KLRG2: variants seen among roughly 807,000 people sequenced by gnomAD.
KLRG2 encodes killer cell lectin like receptor G2, also known as killer cell lectin-like receptor subfamily G member 2.
Under a neutral mutation model 35.4 loss-of-function variants are expected in KLRG2, and 39 were observed. That is an observed-to-expected ratio of 1.10 (90% CI 0.85 to 1.44). The LOEUF (loss-of-function observed/expected upper bound fraction) is 1.44, where lower values mean the gene tolerates loss of function less well. Ranked by LOEUF, KLRG2 falls within the 40% of genes most tolerant of loss-of-function variation. KLRG2 has a pLI of 0.00. For missense variants in KLRG2, 632 were observed against 570.9 expected (o/e 1.11, Z -1.09); for synonymous variants, 283 against 265.8 (o/e 1.06, Z -0.63).
chr7:139,463,618 C>T (rs1796605219), intron 3 of KLRG2, among the ~76,000 whole-genome samples: 1 of 152,210 alleles, frequency 6.6e-6, no homozygotes, highest in South Asian at 2.1e-4. Flanking sequence ...CAGGATTCCT[C>T]CTAAGCCGTG....
chr7:139,445,798 T>TATATATATATATATATATATATATATAC, the KLRG2 span, among the ~76,000 whole-genome samples: 2 of 126,060 alleles, frequency 1.6e-5, no homozygotes, highest in African/African-American at 9.6e-5. Context: ...TATATGTGTG[T>TATATATATATATATATATATATATATAC]ATATATATAT....
the KLRG2 span, among the ~76,000 whole-genome samples, chr7:139,438,984 A>G: frequency 1.6e-5 from 2 of 122,480 alleles, no homozygotes; most frequent in East Asian, 5.6e-4. Flanking sequence ...GTGAGCCACC[A>G]TGCCCCGCGT....
At chr7:139,431,257 G>A in the KLRG2 span, among the ~76,000 whole-genome samples, 1 of 152,166 alleles carries the variant, frequency 6.6e-6, no homozygotes, top group African/African-American at 2.4e-5. Context: ...CCTCAGGGAG[G>A]ACCAAGGATT....
chr7:139,439,819 G>A, the KLRG2 span, among the ~76,000 whole-genome samples: 4 of 152,200 alleles, frequency 2.6e-5, no homozygotes, highest in South Asian at 8.3e-4. Context: ...AGACTGGGTG[G>A]CTTAAACAAC....
chr7:139,433,885 C>G, the KLRG2 span, among the ~76,000 whole-genome samples: 14 of 152,180 alleles, frequency 9.2e-5, no homozygotes, highest in Admixed American at 3.3e-4. Context: ...GATCCCCCGC[C>G]TCGGCCTCCC....
intron 3 of KLRG2, among the ~76,000 whole-genome samples, chr7:139,478,047 T>C (rs1395428068): frequency 1.4e-5 from 2 of 142,672 alleles, no homozygotes; most frequent in African/African-American, 5.0e-5. Context: ...CGTGAGCCAC[T>C]GTGCCCGGCC....
rs754113694 is a variant in KLRG2, at chr7:139,483,610, G to A, written c.33C>T (p.Gly11=). The change falls in exon 1 of 5, where the codon GGC becomes GGT. Residue 11 remains glycine (G), a synonymous_variant. Transcript: ENST00000340940. ...CCATTGGGAGCTCTGCCCCGGCTTG[G>A]CCTCCGGGCGCAGCCTCCCAAGACT... MEESWEAAPG[G]QAGAELPMEP... 3 of 1,578,710 alleles carry A rather than the reference G, an allele frequency of 1.9e-6. No individual in the cohort carries two copies. In the East Asian group the frequency reaches 6.9e-5, roughly 36 times the overall value.
At chr7:139,441,753 A>G in the KLRG2 span, among the ~76,000 whole-genome samples, 1 of 152,168 alleles carries the variant, frequency 6.6e-6, no homozygotes, top group African/African-American at 2.4e-5. Flanking sequence ...AGCCCAGGCA[A>G]CAGAGCAAAA....
At chr7:139,468,973 A>G (rs1424607442) in intron 3 of KLRG2, among the ~76,000 whole-genome samples, 1 of 152,160 alleles carries the variant, frequency 6.6e-6, no homozygotes, top group Non-Finnish European at 1.5e-5. Context: ...CAGGATTGCC[A>G]TGTGAGGACA....
rs562023979 is a variant in KLRG2, at chr7:139,460,804, C to T, written c.1006-6590G>A. ...TGAAACTCCACCTCTACTAAAAATACAAAAATTAGCTGCATGTGGTGGCAG... is the reference window on the plus strand; with the variant it reads ...TGAAACTCCACCTCTACTAAAAATATAAAAATTAGCTGCATGTGGTGGCAG... On this transcript the variant is annotated intron_variant, in intron 3 of 4. Transcript: ENST00000340940. Among the ~76,000 whole-genome samples, 11 of 151,864 alleles carry T rather than the reference C, an allele frequency of 7.2e-5. No individual in the cohort carries two copies. In the South Asian group the frequency reaches 8.3e-4, roughly 11 times the overall value.
At chr7:139,432,427 G>A in the KLRG2 span, among the ~76,000 whole-genome samples, 1 of 152,070 alleles carries the variant, frequency 6.6e-6, no homozygotes, top group East Asian at 1.9e-4. Flanking sequence ...TTTGGAGGGA[G>A]ACATTTACAG....
intron 1 of KLRG2, among the ~76,000 whole-genome samples, chr7:139,480,539 G>A (rs1363541113): frequency 3.6e-5 from 5 of 139,102 alleles, no homozygotes; most frequent in East Asian, 2.3e-4. Flanking sequence ...TCTGCCTCCC[G>A]GGTTCAAGCA....
chr7:139,443,313 T>C, the KLRG2 span, among the ~76,000 whole-genome samples: 1 of 151,996 alleles, frequency 6.6e-6, no homozygotes, highest in Non-Finnish European at 1.5e-5. Context: ...CTCAAACTCC[T>C]GATCTCAAGT....
At chr7:139,469,490 C>G (rs111864271) in intron 3 of KLRG2, among the ~76,000 whole-genome samples, 2 of 151,596 alleles carry the variant, frequency 1.3e-5, no homozygotes, top group Admixed American at 6.6e-5. Context: ...CAGAGTTTCG[C>G]TCCGTCACCC....
chr7:139,442,395 T>C, the KLRG2 span, among the ~76,000 whole-genome samples: 1 of 152,154 alleles, frequency 6.6e-6, no homozygotes. Context: ...TGACATCTGG[T>C]GGTCTAGACT....
At chr7:139,431,847 T>C in the KLRG2 span, among the ~76,000 whole-genome samples, 2 of 152,108 alleles carry the variant, frequency 1.3e-5, no homozygotes, top group Non-Finnish European at 2.9e-5. Flanking sequence ...CATGAGAATT[T>C]ACCTTGGTGA....
the KLRG2 span, among the ~76,000 whole-genome samples, chr7:139,441,495 T>C: frequency 6.6e-6 from 1 of 151,894 alleles, no homozygotes; most frequent in Admixed American, 6.6e-5. Flanking sequence ...GGGGGAGGGA[T>C]AGCATTAAGA....
downstream of KLRG2, among the ~76,000 whole-genome samples, chr7:139,449,337 G>T (rs1365903999): frequency 6.6e-6 from 1 of 152,002 alleles, no homozygotes; most frequent in Non-Finnish European, 1.5e-5. Context: ...GGAGGTGGAG[G>T]TTGCAGTGAG....
the KLRG2 span, among the ~76,000 whole-genome samples, chr7:139,435,352 T>C: frequency 6.6e-6 from 1 of 152,022 alleles, no homozygotes; most frequent in Non-Finnish European, 1.5e-5. Flanking sequence ...TTAGCCGGCA[T>C]GGTGGCAGGC....
Sources: allele counts gnomAD v4.1 joint callset (sites outside exome capture counted in the v4.1 genomes callset), GRCh38; gene constraint gnomAD v4.1.1; transcripts MANE v1.5; gene names NCBI Gene and HGNC (gene_info 2026-07-23, HGNC 2026-07-21).